ANK2: variants seen among roughly 807,000 people sequenced by gnomAD.
ANK2 encodes the protein ankyrin-2.
A neutral mutation model predicts 360.5 loss-of-function variants in ANK2; 83 were observed. That is an observed-to-expected ratio of 0.23 (90% CI 0.19 to 0.28). The LOEUF is 0.28. ANK2 is among the 10% of genes least tolerant of loss of function. ANK2 has a pLI of 1.00. For synonymous variants in ANK2, 1,740 were observed against 1,759.5 expected (o/e 0.99, Z 0.28); for missense variants, 4,201 against 4,795.7 (o/e 0.88, Z 3.66).
chr4:112,973,288 C>A (rs975727275), intron 2 of ANK2, among the ~76,000 whole-genome samples: 3 of 151,674 alleles, frequency 2.0e-5, no homozygotes, highest in East Asian at 1.9e-4. Flanking sequence ...TAAGAAGATG[C>A]AGTTTAATTT....
At chr4:113,375,583 G>A (rs1027639758) in intron 45 of ANK2, among the ~76,000 whole-genome samples, 1 of 152,044 alleles carries the variant, frequency 6.6e-6, no homozygotes, top group African/African-American at 2.4e-5. Context: ...AAATTAGCCA[G>A]GCGTGGTGGC....
chr4:113,067,796 G>A (rs1018403677), intron 1 of ANK2, among the ~76,000 whole-genome samples: 1 of 152,150 alleles, frequency 6.6e-6, no homozygotes, highest in Admixed American at 6.5e-5. Flanking sequence ...TTCTTCTTAG[G>A]TTGCACTTTA....
At chr4:112,738,551 T>G in the ANK2 span, 3 of 397,248 alleles carry the variant, frequency 7.6e-6, no homozygotes, top group Non-Finnish European at 1.4e-5. Flanking sequence ...TGCAGGTAGC[T>G]AGCAGGAACC....
intron 30 of ANK2, 31 bp from the exon 31 acceptor site, chr4:113,336,546 A>G: frequency 6.5e-7 from 1 of 1,548,704 alleles, no homozygotes; most frequent in East Asian, 2.3e-5. Flanking sequence ...ATATACACAA[A>G]TATATATGTG....
chr4:113,258,291 C>T, intron 12 of ANK2, 22 bp from the exon 13 acceptor site: 1 of 1,611,818 alleles, frequency 6.2e-7, no homozygotes, highest in Non-Finnish European at 8.5e-7. Context: ...AGGAGTAAAA[C>T]TGCTGTTGCT....
chr4:113,014,890 G>A (rs1309160679), intron 2 of ANK2, among the ~76,000 whole-genome samples: 1 of 110,538 alleles, frequency 9.0e-6, no homozygotes, highest in African/African-American at 3.5e-5. Flanking sequence ...ACGGAGTCTC[G>A]CTCTGTCACC....
At chr4:112,904,758 C>T (rs987605384) in intron 2 of ANK2, among the ~76,000 whole-genome samples, 1 of 152,020 alleles carries the variant, frequency 6.6e-6, no homozygotes, top group African/African-American at 2.4e-5. Flanking sequence ...GTCTCTTCCT[C>T]AAGATATTCA....
At chr4:113,256,443 A>T (rs938930255) in intron 11 of ANK2, among the ~76,000 whole-genome samples, 1 of 152,232 alleles carries the variant, frequency 6.6e-6, no homozygotes, top group African/African-American at 2.4e-5. Context: ...GGCTAATAGA[A>T]AAGTTATGCC....
intron 2 of ANK2, among the ~76,000 whole-genome samples, chr4:112,970,954 A>G (rs2039323433): frequency 6.6e-6 from 1 of 152,206 alleles, no homozygotes. Context: ...GTTGCACATC[A>G]TAAATATATA....
intron 2 of ANK2, among the ~76,000 whole-genome samples, chr4:113,024,161 T>C (rs1289508542): frequency 6.6e-6 from 1 of 152,162 alleles, no homozygotes; most frequent in African/African-American, 2.4e-5. Flanking sequence ...CAGAAAAGAA[T>C]ATAGATAAAT....
chr4:112,743,425 A>G, the ANK2 span, among the ~76,000 whole-genome samples: 1 of 152,026 alleles, frequency 6.6e-6, no homozygotes, highest in Non-Finnish European at 1.5e-5. Context: ...CTTATATTAT[A>G]TTGCTTAAAC....
intron 2 of ANK2, among the ~76,000 whole-genome samples, chr4:112,962,224 T>C (rs1054543370): frequency 6.6e-6 from 1 of 152,100 alleles, no homozygotes; most frequent in Non-Finnish European, 1.5e-5. Context: ...GTCTGCAGTG[T>C]CTATTGTTCC....
At chr4:113,286,707 A>C (rs1170824150) in intron 18 of ANK2, among the ~76,000 whole-genome samples, 1 of 152,176 alleles carries the variant, frequency 6.6e-6, no homozygotes, top group Non-Finnish European at 1.5e-5. Flanking sequence ...AAGAGCATAA[A>C]TATACTAGGC....
intron 4 of ANK2, among the ~76,000 whole-genome samples, chr4:113,201,501 G>A (rs1192614990): frequency 3.9e-5 from 6 of 152,286 alleles, no homozygotes; most frequent in Middle Eastern, 3.4e-3. Context: ...TCAACTACAT[G>A]ACTGAATCAA....
chr4:113,151,263 G>C (rs147128827), intron 1 of ANK2: 2 of 643,082 alleles, frequency 3.1e-6, no homozygotes, highest in African/African-American at 3.9e-5. Flanking sequence ...GTTCATTTGT[G>C]TAGCTACAAA....
At chr4:113,191,719 C>G (rs2098667827) in intron 2 of ANK2, among the ~76,000 whole-genome samples, 1 of 152,154 alleles carries the variant, frequency 6.6e-6, no homozygotes, top group South Asian at 2.1e-4. Context: ...TCACAAATTA[C>G]AAACAGAATT....
At chr4:112,944,479 A>C (rs1332373268) in intron 2 of ANK2, among the ~76,000 whole-genome samples, 1 of 152,236 alleles carries the variant, frequency 6.6e-6, no homozygotes, top group Non-Finnish European at 1.5e-5. Context: ...TAATGAATAC[A>C]TGTAATCATT....
chr4:113,234,011 G>A (rs2099351310), intron 5 of ANK2, among the ~76,000 whole-genome samples: 1 of 152,094 alleles, frequency 6.6e-6, no homozygotes, highest in Admixed American at 6.6e-5. Flanking sequence ...ATCAAAATAA[G>A]GACATCTATA....
At chr4:113,319,024 C>T (rs1385284301) in intron 26 of ANK2, among the ~76,000 whole-genome samples, 1 of 152,140 alleles carries the variant, frequency 6.6e-6, no homozygotes, top group Non-Finnish European at 1.5e-5. Context: ...AAATGCCTTT[C>T]TCAGATGCTA....
Sources: allele counts gnomAD v4.1 joint callset (sites outside exome capture counted in the v4.1 genomes callset), GRCh38; gene constraint gnomAD v4.1.1; transcripts MANE v1.5; gene names NCBI Gene and HGNC (gene_info 2026-07-23, HGNC 2026-07-21).